The following PITPNC1 variants were observed in gnomAD, a reference collection of about 807,000 sequenced individuals.
PITPNC1 encodes the protein phosphatidylinositol transfer protein cytoplasmic 1.
A neutral mutation model predicts 44.7 loss-of-function variants in PITPNC1; 18 were observed. That is an observed-to-expected ratio of 0.40 (90% CI 0.28 to 0.60). The LOEUF (loss-of-function observed/expected upper bound fraction) is 0.60, where lower values mean the gene tolerates loss of function less well. Among genes scored for constraint, PITPNC1 ranks in the 20% least tolerant of loss-of-function variants. PITPNC1 has a pLI of 0.39. For missense variants in PITPNC1, 290 were observed against 418.4 expected (o/e 0.69, Z 2.68); for synonymous variants, 141 against 149.6 (o/e 0.94, Z 0.42).
chr17:67,437,553 T>C (rs968448644), intron 1 of PITPNC1, among the ~76,000 whole-genome samples: 1 of 152,142 alleles, frequency 6.6e-6, no homozygotes, highest in Non-Finnish European at 1.5e-5. Context: ...GGTGATACTG[T>C]GTTTCTGCAG....
At chr17:67,441,539 A>C (rs1393326967) in intron 1 of PITPNC1, among the ~76,000 whole-genome samples, 2 of 152,212 alleles carry the variant, frequency 1.3e-5, no homozygotes, top group Admixed American at 1.3e-4. Flanking sequence ...ACTGGAAAGC[A>C]GCTCATTCAT....
chr17:67,380,918 T>C (rs2037948599), intron 1 of PITPNC1, among the ~76,000 whole-genome samples: 2 of 151,984 alleles, frequency 1.3e-5, no homozygotes, highest in African/African-American at 2.4e-5. Flanking sequence ...GGACAATAGG[T>C]GTGTGCTGCC....
chr17:67,609,404 C>G (rs983815279), intron 5 of PITPNC1, among the ~76,000 whole-genome samples: 7 of 151,574 alleles, frequency 4.6e-5, no homozygotes, highest in African/African-American at 9.7e-5. Context: ...ATTCTCCTGC[C>G]TCAGCCTCCC....
chr17:67,522,948 G>A (rs551507359), intron 1 of PITPNC1, among the ~76,000 whole-genome samples: 1 of 152,190 alleles, frequency 6.6e-6, no homozygotes, highest in East Asian at 1.9e-4. Flanking sequence ...GGGATTACAG[G>A]CATAGACTAC....
chr17:67,526,963 G>A (rs953198785), intron 1 of PITPNC1, among the ~76,000 whole-genome samples: 1 of 152,056 alleles, frequency 6.6e-6, no homozygotes, highest in Non-Finnish European at 1.5e-5. Context: ...GATAACTCAC[G>A]GAGGTTCAGT....
intron 1 of PITPNC1, chr17:67,379,407 C>G (rs139414880): frequency 1.0e-6 from 1 of 980,484 alleles, no homozygotes; most frequent in East Asian, 1.1e-4. Context: ...GACCCAAGTA[C>G]AATCCAAGAC....
chr17:67,495,058 T>TTG (rs2039930681), intron 1 of PITPNC1, among the ~76,000 whole-genome samples: 3 of 102,180 alleles, frequency 2.9e-5, no homozygotes, highest in South Asian at 7.8e-4. Context: ...TTTTGTTTTT[T>TTG]TTTTTTTTTT....
At chr17:67,446,818 G>A (rs1267908884) in intron 1 of PITPNC1, among the ~76,000 whole-genome samples, 1 of 151,802 alleles carries the variant, frequency 6.6e-6, no homozygotes, top group East Asian at 1.9e-4. Flanking sequence ...GGCCAGGCGT[G>A]GTGGCTCACG....
At chr17:67,443,776 A>AG (rs1431832399) in intron 1 of PITPNC1, among the ~76,000 whole-genome samples, 1 of 151,678 alleles carries the variant, frequency 6.6e-6, no homozygotes, top group African/African-American at 2.4e-5. Flanking sequence ...TTGGAATTAC[A>AG]GGCGTCTGCC....
chr17:67,402,557 G>C (rs1446893402), intron 1 of PITPNC1, among the ~76,000 whole-genome samples: 2 of 150,484 alleles, frequency 1.3e-5, no homozygotes, highest in East Asian at 4.0e-4. Context: ...GTGGGTATGT[G>C]TTCTGCCGAA....
At chr17:67,627,624 T>C (rs925179631) in intron 5 of PITPNC1, among the ~76,000 whole-genome samples, 1 of 152,220 alleles carries the variant, frequency 6.6e-6, no homozygotes, top group Non-Finnish European at 1.5e-5. Context: ...TCTAGAAAGA[T>C]GCAGGTAGCA....
At chr17:67,558,137 C>G (rs540160340) in intron 4 of PITPNC1, among the ~76,000 whole-genome samples, 1 of 152,264 alleles carries the variant, frequency 6.6e-6, no homozygotes, top group East Asian at 1.9e-4. Flanking sequence ...GCAAAGAAAC[C>G]TATTTAGAGT....
chr17:67,554,253 A>ATTTT (rs11413972), intron 4 of PITPNC1, among the ~76,000 whole-genome samples: 26 of 111,074 alleles, frequency 2.3e-4, no homozygotes, highest in African/African-American at 3.8e-4. Context: ...ATAGTTTATG[A>ATTTT]TTTTTTTTTT....
chr17:67,501,170 A>C (rs982826708), intron 1 of PITPNC1, among the ~76,000 whole-genome samples: 1 of 152,214 alleles, frequency 6.6e-6, no homozygotes, highest in Non-Finnish European at 1.5e-5. Flanking sequence ...CCAATGCCAC[A>C]ATCCACAGGC....
intron 1 of PITPNC1, among the ~76,000 whole-genome samples, chr17:67,473,454 G>A (rs1038568046): frequency 1.3e-5 from 2 of 151,452 alleles, no homozygotes; most frequent in African/African-American, 2.4e-5. Flanking sequence ...TCAGCCTCCC[G>A]AGTAGCTGGG....
At chr17:67,452,946 C>T (rs1419526803) in intron 1 of PITPNC1, among the ~76,000 whole-genome samples, 4 of 152,124 alleles carry the variant, frequency 2.6e-5, no homozygotes, top group African/African-American at 4.8e-5. Flanking sequence ...TTGTTTGTAG[C>T]GATTCTAATG....
At chr17:67,524,415 A>T (rs1164537998) in intron 1 of PITPNC1, 4 of 152,002 alleles carry the variant, frequency 2.6e-5, no homozygotes, top group Admixed American at 2.0e-4. Flanking sequence ...TCTGCACTCC[A>T]GCCTGGATGA....
At chr17:67,429,878 T>C (rs530010903) in intron 1 of PITPNC1, among the ~76,000 whole-genome samples, 6 of 152,334 alleles carry the variant, frequency 3.9e-5, no homozygotes, top group South Asian at 2.1e-4. Flanking sequence ...TTTCAGTAGT[T>C]ATGTGATGAA....
At chr17:67,687,461 G>A (rs2042837838) in intron 8 of PITPNC1, among the ~76,000 whole-genome samples, 1 of 152,108 alleles carries the variant, frequency 6.6e-6, no homozygotes, top group Non-Finnish European at 1.5e-5. Flanking sequence ...CTAGTAAAAC[G>A]GCCTGCACCA....
Sources: gnomAD v4.1 joint callset for allele counts (sites outside exome capture counted in the v4.1 genomes callset) on GRCh38, gnomAD v4.1.1 for gene constraint, MANE v1.5 for transcripts, NCBI Gene and HGNC (gene_info 2026-07-23, HGNC 2026-07-21) for gene names.